The following SLC51B variants were observed in gnomAD, a reference collection of about 807,000 sequenced individuals.
SLC51B encodes the protein organic solute transporter subunit beta.
Under a neutral mutation model 8.0 loss-of-function variants are expected in SLC51B, and 6 were observed. The observed-to-expected ratio is 0.75, with a 90% CI of 0.41 to 1.48. The LOEUF is 1.48. Ranked by LOEUF, SLC51B falls within the 40% of genes most tolerant of loss-of-function variation. The pLI is 0.01. For missense variants in SLC51B, 150 were observed against 149.7 expected, an observed-to-expected ratio of 1.00 and a Z score of -0.01; for synonymous variants, 61 against 54.8, an observed-to-expected ratio of 1.11 and a Z score of -0.50.
At chr15:65,051,923 A>T (rs751714963) in intron 3 of SLC51B, among the ~76,000 whole-genome samples, 8 of 152,192 alleles carry the variant, frequency 5.3e-5, no homozygotes, top group Non-Finnish European at 8.8e-5. Flanking sequence ...CAGCAAAGTC[A>T]ACTCAGAGAT....
chr15:65,051,627 G>A (rs761756465), intron 3 of SLC51B, 22 bp downstream of exon 3: 3 of 1,610,472 alleles, frequency 1.9e-6, no homozygotes, highest in South Asian at 1.1e-5. Context: ...GTCCTGGGGG[G>A]ATGGGGTGGT....
chr15:65,046,559 T>G (rs1211933201), intron 1 of SLC51B, among the ~76,000 whole-genome samples: 2 of 152,230 alleles, frequency 1.3e-5, no homozygotes, highest in African/African-American at 2.4e-5. Context: ...TGTATCCAAT[T>G]TGTCATTTTG....
At chr15:65,049,816 C>G in intron 1 of SLC51B, 81 bp from the exon 2 acceptor site, 5 of 464,214 alleles carry the variant, frequency 1.1e-5, no homozygotes, top group Non-Finnish European at 1.5e-5. Context: ...TAACTTTGGG[C>G]CAGAGGAGAT....
chr15:65,047,618 G>A (rs1294462993), intron 1 of SLC51B, among the ~76,000 whole-genome samples: 3 of 152,154 alleles, frequency 2.0e-5, no homozygotes, highest in Non-Finnish European at 4.4e-5. Context: ...ATCAATCCAG[G>A]CACTCTTACA....
At chr15:65,052,679 G>A (rs1258297158) in intron 3 of SLC51B, among the ~76,000 whole-genome samples, 1 of 152,102 alleles carries the variant, frequency 6.6e-6, no homozygotes, top group Admixed American at 6.5e-5. Context: ...TTACAGGTGT[G>A]AGCCACTGCA....
chr15:65,045,874 A>C (rs2065270001), intron 1 of SLC51B, among the ~76,000 whole-genome samples: 1 of 152,274 alleles, frequency 6.6e-6, no homozygotes, highest in South Asian at 2.1e-4. Context: ...TTTGATAGAA[A>C]TATGTCTTTG....
Position 65,053,221 on chromosome 15 carries a change from T to G in SLC51B, c.*57T>G. 1 of 1,590,576 alleles carries G rather than the reference T, an allele frequency of 6.3e-7. No individual in the cohort carries two copies. The highest frequency in any genetic ancestry group is 8.5e-7 in the Non-Finnish European group (1 of 1,170,184). On this transcript the variant is annotated 3_prime_UTR_variant, in exon 4 of 4. Coordinates refer to ENST00000334287, the MANE Select transcript of SLC51B (RefSeq NM_178859.4). ...GACACATGATGTGGGCTCAGCTCAGTGGCCTGAAACCTCTCAGGTTTTAGA... is the reference window on the plus strand; with the variant it reads ...GACACATGATGTGGGCTCAGCTCAGGGGCCTGAAACCTCTCAGGTTTTAGA...
chr15:65,050,952 C>T (rs936005844), intron 2 of SLC51B, among the ~76,000 whole-genome samples: 1 of 144,034 alleles, frequency 6.9e-6, no homozygotes, highest in Non-Finnish European at 1.5e-5. Flanking sequence ...TCAAGTGATT[C>T]TCATGCCTCA....
Position 65,053,131 on chromosome 15 carries a change from T to G in SLC51B, c.354T>G (p.Val118=). Residue 118 remains valine, a synonymous_variant, in exon 4 of 4, where the codon GTT becomes GTG. Coordinates refer to ENST00000334287, the MANE Select transcript of SLC51B (RefSeq NM_178859.4). ...TAAAAGAGAGAGATGTGCTGTCAGT[T>G]TTCCTTCCGGATGTACCAGAAACTG... The part of the protein sequence containing the change: ...LELKERDVLS[V]FLPDVPETES 1.2e-6 allele frequency: 2 copies of G among 1,614,126 alleles called. No individual in the cohort carries two copies. The highest frequency in any genetic ancestry group is 1.7e-6 in the Non-Finnish European group (2 of 1,180,026).
Position 65,053,341 on chromosome 15 carries a change from G to C in SLC51B, c.*177G>C, listed in dbSNP as rs1455953296. ...TGAACTGCAAGCAAACTAAAATTCT[G>C]TTATTAAAAAAAATCTTTTATTAAA... On this transcript the variant is annotated 3_prime_UTR_variant, in exon 4 of 4. Transcript: ENST00000334287. 7.1e-7 allele frequency: 1 copy of C among 1,410,892 alleles called. No homozygotes were observed. The highest frequency in any genetic ancestry group is 1.5e-5 in the African/African-American group (1 of 68,134). 87.4% of individuals were successfully genotyped at this position (1,410,892 alleles called of 1,614,324 possible). A position where few individuals can be genotyped will look rare whatever the true frequency, so the allele number is the denominator to read the frequency against.
intron 3 of SLC51B, among the ~76,000 whole-genome samples, chr15:65,051,980 G>A (rs1224693866): frequency 6.6e-6 from 1 of 152,170 alleles, no homozygotes; most frequent in Non-Finnish European, 1.5e-5. Flanking sequence ...CTACGACCCA[G>A]TCAGAATCTC....
chr15:65,049,823 A>C, intron 1 of SLC51B, 74 bp from the exon 2 acceptor site: 5 of 466,440 alleles, frequency 1.1e-5, no homozygotes, highest in Admixed American at 3.9e-5. Context: ...GGGCCAGAGG[A>C]GATCTGGATT....
At position 65,053,307 on chromosome 15, in the gene SLC51B, T is replaced by C. The variant is rs1670; in HGVS notation, c.*143T>C. 0.016 allele frequency: 23,351 copies of C among 1,426,292 alleles called. 1,748 individuals carry two copies. In the African/African-American group the frequency reaches 0.22, roughly 13 times the overall value. The allele number at this position is 1,426,292 out of a possible 1,614,324, so 88.4% of individuals were successfully genotyped here. The stretch of plus-strand genomic sequence containing the variant: ...CTTTCTTTTTTTTTTTCTTAGCAGA[T>C]ACAATGAATGAACTGCAAGCAAACT... On this transcript the variant is annotated 3_prime_UTR_variant, in exon 4 of 4. Coordinates refer to ENST00000334287, the MANE Select transcript of SLC51B (RefSeq NM_178859.4).
intron 1 of SLC51B, among the ~76,000 whole-genome samples, chr15:65,046,146 CA>C (rs2086574538): frequency 1.3e-5 from 2 of 152,178 alleles, no homozygotes; most frequent in South Asian, 4.1e-4. Flanking sequence ...ACTAATAATA[CA>C]AAAATTAGCT....
chr15:65,049,948 G>C lies in SLC51B; in HGVS notation c.-57G>C. On this transcript the variant is annotated 5_prime_UTR_variant, in exon 2 of 4. Coordinates refer to ENST00000334287, the MANE Select transcript of SLC51B (RefSeq NM_178859.4). ...GGCCAGAACCGAGGAGGCCAGGAGG[G>C]CTGCTGGGGCTAAGGGGTCTAAGGA... The C allele has an allele frequency of 7.1e-7, 1 of 1,401,962 alleles. No individual in the cohort carries two copies. The highest frequency in any genetic ancestry group is 9.8e-7 in the Non-Finnish European group (1 of 1,024,334). The allele number at this position is 1,401,962 out of a possible 1,614,324, so 86.8% of individuals were successfully genotyped here.
chr15:65,050,821 TTTCTTC>T (rs1431757829), intron 2 of SLC51B, among the ~76,000 whole-genome samples: 1 of 118,912 alleles, frequency 8.4e-6, no homozygotes. Context: ...TTTTTTTTTC[TTTCTTC>T]TTCTTCTTCT....
chr15:65,052,956 G>A lies in SLC51B; in HGVS notation c.189-10G>A, dbSNP rs2086674867. On this transcript the variant is annotated splice_polypyrimidine_tract_variant and intron_variant, in intron 3 of 3. Coordinates refer to ENST00000334287, the MANE Select transcript of SLC51B (RefSeq NM_178859.4). ...GCCCCCCTCATTAACACTGTTCCCT[G>A]TCCCCCCAGAAAAGAAAAGATGCAG... 6.2e-7 allele frequency: 1 copy of A among 1,607,220 alleles called. No individual in the cohort carries two copies. Among genetic ancestry groups the A allele is most frequent in the Admixed American group, 1.7e-5 (1 of 59,094 alleles).
Position 65,053,089 on chromosome 15 carries a change from C to T in SLC51B, c.312C>T (p.Ala104=). The change falls in exon 4 of 4, where the codon GCC becomes GCT. Residue 104 remains alanine, a synonymous_variant. Coordinates refer to ENST00000334287, the MANE Select transcript of SLC51B (RefSeq NM_178859.4). ...ETLLSEKPNL[A]QVELELKERD... is the part of the protein sequence containing the mutation. ...TGCTCTCAGAAAAGCCAAACTTGGCCCAGGTGGAACTTGAGTTAAAAGAGA... is the reference window on the plus strand; with the variant it reads ...TGCTCTCAGAAAAGCCAAACTTGGCTCAGGTGGAACTTGAGTTAAAAGAGA... 1.2e-6 allele frequency: 2 copies of T among 1,614,038 alleles called. No homozygotes were observed. Among genetic ancestry groups the T allele is most frequent in the East Asian group, 4.5e-5 (2 of 44,868 alleles).
intron 1 of SLC51B, chr15:65,049,569 G>C (rs992939094): frequency 6.5e-6 from 1 of 153,278 alleles, no homozygotes; most frequent in African/African-American, 2.4e-5. Flanking sequence ...GGCAACGCGT[G>C]GGCGCGCTGT....
Sources: allele counts gnomAD v4.1 joint callset (sites outside exome capture counted in the v4.1 genomes callset), GRCh38; gene constraint gnomAD v4.1.1; transcripts MANE v1.5; gene names NCBI Gene and HGNC (gene_info 2026-07-23, HGNC 2026-07-21).